The following PAM variants were observed in gnomAD, a reference collection of about 807,000 sequenced individuals.
The protein encoded by PAM is peptidylglycine alpha-amidating monooxygenase, also known as peptidyl-glycine alpha-amidating monooxygenase.
A neutral mutation model predicts 122.1 loss-of-function variants in PAM; 72 were observed. That is an observed-to-expected ratio of 0.59 (90% CI 0.49 to 0.72). PAM has a LOEUF of 0.72. Among genes scored for constraint, PAM ranks in the 30% least tolerant of loss-of-function variants. PAM has a pLI of 0.00. For missense variants in PAM, 1,106 were observed against 1,183.7 expected, an observed-to-expected ratio of 0.93 and a Z score of 0.96; for synonymous variants, 389 against 404.4, an observed-to-expected ratio of 0.96 and a Z score of 0.46.
chr5:103,010,010 T>C, intron 21 of PAM, 144 bp downstream of exon 21: 3 of 332,174 alleles, frequency 9.0e-6, no homozygotes, highest in Non-Finnish European at 1.6e-5. Context: ...ATGGGAGTGT[T>C]CTATTTTATT....
intron 4 of PAM, among the ~76,000 whole-genome samples, chr5:102,913,021 G>T (rs1801904998): frequency 1.3e-5 from 2 of 151,940 alleles, no homozygotes; most frequent in Non-Finnish European, 2.9e-5. Context: ...AATAAGTGAT[G>T]TTTTCTTAAT....
At chr5:102,979,711 A>G (rs1769087476) in intron 15 of PAM, among the ~76,000 whole-genome samples, 1 of 152,144 alleles carries the variant, frequency 6.6e-6, no homozygotes, top group Non-Finnish European at 1.5e-5. Context: ...TGCAACAGTG[A>G]TCACTAATAT....
chr5:103,028,876 CT>C lies in PAM; in HGVS notation c.2744-4del. On this transcript the variant is annotated splice_polypyrimidine_tract_variant and intron_variant, in intron 25 of 25. Transcript: ENST00000438793. ...CTTTACCCAATTCTGTTATTGTTTG[CT>C]TTTTTTCAGGAAAGGGAAGTGGAGG... is the stretch of plus-strand genomic sequence containing the variant. 2.5e-6 allele frequency: 4 copies of C among 1,585,548 alleles called. No homozygotes were observed. The highest frequency in any genetic ancestry group is 1.2e-5 in the South Asian group (1 of 86,822).
chr5:102,809,536 A>G (rs1473947163), intron 1 of PAM, among the ~76,000 whole-genome samples: 1 of 152,168 alleles, frequency 6.6e-6, no homozygotes, highest in East Asian at 1.9e-4. Flanking sequence ...TTCTGTGTGG[A>G]AGGTAGGCAG....
chr5:102,809,447 A>G (rs1408830327), intron 1 of PAM, among the ~76,000 whole-genome samples: 1 of 152,200 alleles, frequency 6.6e-6, no homozygotes, highest in African/African-American at 2.4e-5. Flanking sequence ...ATTAATAGAT[A>G]GCTTTGCAGA....
intron 1 of PAM, among the ~76,000 whole-genome samples, chr5:102,861,092 GT>G (rs1196153467): frequency 6.6e-6 from 1 of 152,162 alleles, no homozygotes; most frequent in African/African-American, 2.4e-5. Flanking sequence ...TTGAGGACAT[GT>G]TTTTTTGCCA....
intron 1 of PAM, among the ~76,000 whole-genome samples, chr5:102,801,847 C>T (rs1300019506): frequency 1.4e-5 from 2 of 139,980 alleles, no homozygotes; most frequent in African/African-American, 2.7e-5. Flanking sequence ...GGCGCGATCT[C>T]GGCTCACTGC....
At chr5:102,990,537 T>C (rs1010274898) in intron 16 of PAM, 136 bp downstream of exon 16, 2 of 565,798 alleles carry the variant, frequency 3.5e-6, no homozygotes, top group African/African-American at 3.8e-5. Flanking sequence ...AATGTATTTG[T>C]CCTTTTAATG....
intron 21 of PAM, among the ~76,000 whole-genome samples, chr5:103,011,779 C>T (rs1017496497): frequency 6.6e-6 from 1 of 152,072 alleles, no homozygotes; most frequent in Non-Finnish European, 1.5e-5. Context: ...GGCATATAAC[C>T]AGCAATGGGA....
intron 14 of PAM, among the ~76,000 whole-genome samples, chr5:102,971,996 A>G (rs1331496454): frequency 6.6e-6 from 1 of 152,216 alleles, no homozygotes; most frequent in Middle Eastern, 3.2e-3. Context: ...AGCCTGTTGC[A>G]TTATTTTAAC....
intron 20 of PAM, among the ~76,000 whole-genome samples, 158 bp from the exon 21 acceptor site, chr5:103,009,593 T>G (rs1402699202): frequency 1.3e-5 from 2 of 152,208 alleles, no homozygotes; most frequent in Admixed American, 6.5e-5. Flanking sequence ...ATCTGGTTAC[T>G]CAGGAGGAGA....
chr5:102,929,259 G>A (rs1581801631), intron 7 of PAM, among the ~76,000 whole-genome samples: 2 of 152,082 alleles, frequency 1.3e-5, no homozygotes, highest in African/African-American at 4.8e-5. Context: ...ATTTACTATA[G>A]GAATGTATTC....
chr5:102,848,714 T>C (rs1036731791), intron 1 of PAM, among the ~76,000 whole-genome samples: 2 of 152,052 alleles, frequency 1.3e-5, no homozygotes, highest in East Asian at 3.9e-4. Context: ...AGAGAGTTGA[T>C]AGGTAAAGTT....
At chr5:102,926,929 G>GT (rs1749771484) in intron 7 of PAM, among the ~76,000 whole-genome samples, 2 of 152,106 alleles carry the variant, frequency 1.3e-5, no homozygotes, top group South Asian at 4.2e-4. Flanking sequence ...CTAGTGTATT[G>GT]TTTTATCAGC....
intron 1 of PAM, among the ~76,000 whole-genome samples, chr5:102,864,891 T>A (rs1001483248): frequency 1.3e-5 from 2 of 152,204 alleles, no homozygotes; most frequent in African/African-American, 4.8e-5. Context: ...TTTAAATATA[T>A]TCAGTCAAAA....
chr5:102,924,849 G>T, intron 5 of PAM, 108 bp from the exon 6 acceptor site: 1 of 677,266 alleles, frequency 1.5e-6, no homozygotes, highest in Non-Finnish European at 2.7e-6. Flanking sequence ...ATGATATATT[G>T]ATGTACTTTG....
Position 103,025,336 on chromosome 5 carries a change from C to T in PAM, c.2689+2C>T. 6.2e-7 allele frequency: 1 copy of T among 1,611,792 alleles called. No individual in the cohort carries two copies. The highest frequency in any genetic ancestry group is 2.2e-5 in the East Asian group (1 of 44,868). ...GGAAAAAATCAAGGGCCTTTGGAGG[C>T]AAGTAAAATGAGCCCCGTGAACTTG... is the stretch of plus-strand genomic sequence containing the variant. On this transcript the variant is annotated splice_donor_variant, in intron 24 of 25. Coordinates refer to ENST00000438793, the MANE Select transcript of PAM (RefSeq NM_001177306.2). LOFTEE classifies it low-confidence loss of function (GC_TO_GT_DONOR).
At chr5:102,940,412 G>A (rs1754774463) in intron 7 of PAM, among the ~76,000 whole-genome samples, 1 of 148,632 alleles carries the variant, frequency 6.7e-6, no homozygotes, top group Non-Finnish European at 1.5e-5. Context: ...AGGAAATTCA[G>A]ATTAACATTT....
chr5:102,976,410 TA>T (rs540351027), intron 15 of PAM, among the ~76,000 whole-genome samples: 8,230 of 145,576 alleles, frequency 0.057, 721 homozygotes, highest in African/African-American at 0.19. Flanking sequence ...TTCCATTTTG[TA>T]AAAAAAAAAA....
Sources: gnomAD v4.1 joint callset for allele counts (sites outside exome capture counted in the v4.1 genomes callset) on GRCh38, gnomAD v4.1.1 for gene constraint, MANE v1.5 for transcripts, NCBI Gene and HGNC (gene_info 2026-07-23, HGNC 2026-07-21) for gene names.